Variants in GART observed in about 807,000 individuals in gnomAD.
GART encodes phosphoribosylglycinamide formyltransferase, phosphoribosylglycinamide synthetase, phosphoribosylaminoimidazole synthetase.
In GART, 43 loss-of-function variants were observed where a neutral mutation model predicts 107.2. The observed-to-expected ratio is 0.40, with a 90% CI of 0.31 to 0.52. GART has a LOEUF of 0.52. Among genes scored for constraint, GART ranks in the 20% least tolerant of loss-of-function variants. The probability of loss-of-function intolerance (pLI) is 0.52; values close to 1 mark genes in which losing one functional copy is unlikely to be tolerated. For synonymous variants in GART, 434 were observed against 427.0 expected (o/e 1.02, Z -0.20); for missense variants, 1,107 against 1,206.5 (o/e 0.92, Z 1.22).
chr21:33,506,186 A>G (rs2084678647), intron 18 of GART, 82 bp from the exon 19 acceptor site: 20 of 1,487,984 alleles, frequency 1.3e-5, no homozygotes, highest in Non-Finnish European at 1.7e-5. Flanking sequence ...TCTGTCGCCC[A>G]GGCTAGGAGT....
rs764877659 is a variant in GART at position 33,530,861 on chromosome 21, C to T, written c.621G>A (p.Lys207=). The T allele has an allele frequency of 1.3e-6, 2 of 1,525,642 alleles. No homozygotes were observed. The highest frequency in any genetic ancestry group is 5.2e-5 in the East Asian group (2 of 38,204). 94.5% of individuals were successfully genotyped at this position (1,525,642 alleles called of 1,614,324 possible). A position where few individuals can be genotyped will look rare whatever the true frequency, so the allele number is the denominator to read the frequency against. ...GTGCTGGGGGCATGGGGGCCACAGT[C>T]TTGCCATCAGTGAAACACAGACACT... The part of the protein sequence containing the change: ...EVSCLCFTDG[K]TVAPMPPAQD... Residue 207 remains lysine (K), a synonymous_variant, in exon 7 of 22, where the codon AAG becomes AAA. Coordinates refer to ENST00000381815, the MANE Select transcript of GART (RefSeq NM_000819.5).
At chr21:33,513,337 C>T (rs1373064903) in intron 16 of GART, among the ~76,000 whole-genome samples, 2 of 151,968 alleles carry the variant, frequency 1.3e-5, no homozygotes, top group Non-Finnish European at 1.5e-5. Flanking sequence ...TTTAGGAGGC[C>T]GAGGCCCGCA....
At chr21:33,519,908 T>C (rs1330259379) in intron 14 of GART, among the ~76,000 whole-genome samples, 1 of 151,850 alleles carries the variant, frequency 6.6e-6, no homozygotes, top group African/African-American at 2.4e-5. Context: ...ATTTCATGTA[T>C]AAAGATACTT....
Position 33,520,351 on chromosome 21 carries a change from T to C in GART, c.1702+13A>G. On this transcript the variant is annotated intron_variant, in intron 14 of 21. Coordinates refer to ENST00000381815, the MANE Select transcript of GART (RefSeq NM_000819.5). The stretch of plus-strand genomic sequence containing the variant: ...AAGAATGACATGTTATTGATTAAAA[T>C]GGCTGATCATACCAAGGAGAGCACA... 6.2e-7 allele frequency: 1 copy of C among 1,611,722 alleles called. No individual in the cohort carries two copies. The highest frequency in any genetic ancestry group is 8.5e-7 in the Non-Finnish European group (1 of 1,177,966).
rs540416206 is a variant in GART at position 33,531,569 on chromosome 21, ATT to A, written c.529-14_529-13del. The A allele has an allele frequency of 0.02, 27,422 of 1,357,614 alleles. No individual in the cohort carries two copies. Among genetic ancestry groups the A allele is most frequent in the South Asian group, 0.03 (2,088 of 70,720 alleles). The allele number at this position is 1,357,614 out of a possible 1,614,324, so 84.1% of individuals were successfully genotyped here. A position where few individuals can be genotyped will look rare whatever the true frequency, so the allele number is the denominator to read the frequency against. Reference sequence around the variant, plus strand: ...CCAAAGGCTTTCTCCTGATTGTAAGATTTTTTTTTTTTTTTTTTTTAAAAAAA... The same window carrying A: ...CCAAAGGCTTTCTCCTGATTGTAAGATTTTTTTTTTTTTTTTTTAAAAAAA... On this transcript the variant is annotated splice_polypyrimidine_tract_variant and intron_variant, in intron 5 of 21. Coordinates refer to ENST00000381815, the MANE Select transcript of GART (RefSeq NM_000819.5).
At chr21:33,535,793 C>A (rs534708036) in intron 2 of GART, among the ~76,000 whole-genome samples, 57 of 152,202 alleles carry the variant, frequency 3.7e-4, no homozygotes, top group Admixed American at 3.7e-3. Context: ...TTTGGGAGGC[C>A]GAGGTGGGTG....
At chr21:33,505,879 T>C (rs2084669352) in intron 19 of GART, 95 bp downstream of exon 19, 9 of 1,526,372 alleles carry the variant, frequency 5.9e-6, no homozygotes, top group Non-Finnish European at 8.0e-6. Flanking sequence ...AATGGCGAAG[T>C]CCCAAGAACA....
intron 2 of GART, 30 bp downstream of exon 2, chr21:33,539,141 C>T: frequency 6.3e-7 from 1 of 1,594,242 alleles, no homozygotes. Context: ...CAAATAATAA[C>T]TATTACTCCC....
intron 16 of GART, among the ~76,000 whole-genome samples, chr21:33,512,763 A>AT (rs11356836): frequency 3.5e-5 from 5 of 144,586 alleles, no homozygotes; most frequent in Non-Finnish European, 6.3e-5. Flanking sequence ...TATTTAAAAA[A>AT]TTTTTTTTTT....
intron 12 of GART, among the ~76,000 whole-genome samples, chr21:33,521,287 T>G (rs935021207): frequency 1.3e-5 from 2 of 152,168 alleles, no homozygotes; most frequent in African/African-American, 4.8e-5. Flanking sequence ...AAACAAGAGA[T>G]GCCCTTCCTG....
chr21:33,514,113 A>C (rs2084836564), intron 16 of GART, among the ~76,000 whole-genome samples: 1 of 152,100 alleles, frequency 6.6e-6, no homozygotes, highest in African/African-American at 2.4e-5. Flanking sequence ...CTAAAAATAC[A>C]AAAAATAGCT....
Position 33,528,525 on chromosome 21 carries a change from C to A in GART, c.891G>T (p.Glu297Asp), listed in dbSNP as rs1452787912. ...LEFNCRFGDP[E>D]CQVILPLLKS... Reference sequence around the variant, plus strand: ...CTTTGATATTTTTACCCACTTGGCACTCTGGATCACCAAAACGGCAATTAA... The same window carrying A: ...CTTTGATATTTTTACCCACTTGGCAATCTGGATCACCAAAACGGCAATTAA... Residue 297 changes from glutamate to aspartate, a missense_variant, in exon 9 of 22, where the codon GAG becomes GAT. By Grantham distance (45) the Glu-to-Asp change is conservative (BLOSUM62 2). Transcript: ENST00000381815. 6.2e-7 allele frequency: 1 copy of A among 1,606,678 alleles called. No individual in the cohort carries two copies. The highest frequency in any genetic ancestry group is 1.1e-5 in the South Asian group (1 of 89,496).
At chr21:33,508,297 C>T (rs117150774) in intron 18 of GART, among the ~76,000 whole-genome samples, 3,573 of 152,022 alleles carry the variant, frequency 0.024, 48 homozygotes, top group Non-Finnish European at 0.036. Flanking sequence ...CAAGAACAAA[C>T]CACTATGCTA....
rs115599165 is a variant in GART, at chr21:33,536,564, T to C, written c.146-1244A>G. The stretch of plus-strand genomic sequence containing the variant: ...GAACGCTATATATATAGTATGTTTT[T>C]TCCTATACATAAACACCTATGATAA... On this transcript the variant is annotated intron_variant, in intron 2 of 21. Coordinates refer to ENST00000381815, the MANE Select transcript of GART (RefSeq NM_000819.5). Among the ~76,000 whole-genome samples the C allele has an allele frequency of 3.4e-3, 521 of 152,362 alleles. 3 individuals are homozygous for C. Among genetic ancestry groups the C allele is most frequent in the African/African-American group, 0.012 (496 of 41,590 alleles).
chr21:33,529,422 T>G (rs1377353369), intron 7 of GART: 2 of 151,092 alleles, frequency 1.3e-5, no homozygotes, highest in African/African-American at 4.9e-5. Flanking sequence ...TATGAAGTCT[T>G]TTAAAAAAAA....
Position 33,532,333 on chromosome 21 carries a change from G to C in GART, c.528+12C>G. The C allele has an allele frequency of 6.3e-7, 1 of 1,591,322 alleles. No homozygotes were observed. The highest frequency in any genetic ancestry group is 8.6e-7 in the Non-Finnish European group (1 of 1,161,580). ...AATAGAAAAGTAAATTTTTTCAGAA[G>C]ACCCAGCCTACCTGCATGATCTCTT... is the stretch of plus-strand genomic sequence containing the variant. On this transcript the variant is annotated intron_variant, in intron 5 of 21. Transcript: ENST00000381815.
chr21:33,537,860 A>G (rs1403268367), intron 2 of GART, among the ~76,000 whole-genome samples: 1 of 152,190 alleles, frequency 6.6e-6, no homozygotes, highest in South Asian at 2.1e-4. Context: ...TATTCTGAGT[A>G]TTATTAGAAT....
chr21:33,528,448 C>T, intron 9 of GART, 71 bp downstream of exon 9: 1 of 1,540,006 alleles, frequency 6.5e-7, no homozygotes, highest in Non-Finnish European at 8.9e-7. Context: ...TAATTACTTC[C>T]AGGCTGATAA....
intron 1 of GART, among the ~76,000 whole-genome samples, chr21:33,541,132 A>G (rs1275235286): frequency 6.6e-6 from 1 of 152,114 alleles, no homozygotes; most frequent in Non-Finnish European, 1.5e-5. Context: ...TGAAATAAAC[A>G]GATTTTTTAT....
Sources: gnomAD v4.1 joint callset for allele counts (sites outside exome capture counted in the v4.1 genomes callset) on GRCh38, gnomAD v4.1.1 for gene constraint, MANE v1.5 for transcripts, NCBI Gene and HGNC (gene_info 2026-07-23, HGNC 2026-07-21) for gene names.